PSMD8: variants seen among roughly 807,000 people sequenced by gnomAD.
PSMD8 encodes 26S proteasome non-ATPase regulatory subunit 8.
A neutral mutation model predicts 40.0 loss-of-function variants in PSMD8; 30 were observed. The ratio of observed to expected loss-of-function variants is 0.75; its 90% CI spans 0.56 to 1.02. PSMD8 has a LOEUF of 1.02. PSMD8 is among the 50% of genes least tolerant of loss of function. PSMD8 has a pLI of 0.00. For synonymous variants in PSMD8, 208 were observed against 192.5 expected (o/e 1.08, Z -0.67); for missense variants, 461 against 463.9 (o/e 0.99, Z 0.06).
intron 5 of PSMD8, 115 bp downstream of exon 5, chr19:38,381,114 T>A: frequency 1.3e-6 from 1 of 797,520 alleles, no homozygotes. Context: ...TAGGTGTGTT[T>A]CTTATCCTCC....
intron 5 of PSMD8, among the ~76,000 whole-genome samples, chr19:38,381,714 A>G (rs1297462875): frequency 3.3e-5 from 5 of 151,838 alleles, no homozygotes; most frequent in Admixed American, 3.3e-4. Context: ...CTCTATTTCT[A>G]CTTCGGTGTT....
At chr19:38,375,206 CG>C (rs1970588384) in intron 1 of PSMD8, 3 of 597,388 alleles carry the variant, frequency 5.0e-6, no homozygotes, top group Non-Finnish European at 8.3e-6. Context: ...TTTGGGAGGC[CG>C]AGGCGGGGGA....
In PSMD8 at chr19:38,376,447, G is replaced by T. The variant is rs1970599082; in HGVS notation, c.529G>T (p.Asp177Tyr). 1 of 1,549,904 alleles carries T rather than the reference G, an allele frequency of 6.5e-7. No individual in the cohort carries two copies. Among genetic ancestry groups the T allele is most frequent in the African/African-American group, 1.4e-5 (1 of 72,996 alleles). The part of the protein sequence containing the change: ...YMAQLKCYYF[D>Y]YKEQLPESAY... Reference sequence around the variant, plus strand: ...GGCCCAGCTCAAATGCTACTACTTTGATTACAAGTGAGAATGGGCCCTGCC... The same window carrying T: ...GGCCCAGCTCAAATGCTACTACTTTTATTACAAGTGAGAATGGGCCCTGCC... The change falls in exon 3 of 7, where the codon GAT (aspartate) becomes TAT (tyrosine). Residue 177 changes from aspartate to tyrosine, a missense_variant. By Grantham distance (160) the Asp-to-Tyr change is radical. Transcript: ENST00000215071.
At position 38,374,811 on chromosome 19, in the gene PSMD8, C is replaced by G. The variant is rs1178220073; in HGVS notation, c.210C>G (p.Asn70Lys). The change falls in exon 1 of 7, where the codon AAC (asparagine) becomes AAG (lysine). Residue 70 changes from asparagine (N) to lysine (K), a missense_variant. Coordinates refer to ENST00000215071, the MANE Select transcript of PSMD8 (RefSeq NM_002812.5). ...GCAAGATGGCGGCCGCGGCGGTGAA[C>G]GGGGCGGCAGGCTTCTCGAGCTCCG... is the stretch of plus-strand genomic sequence containing the variant. ...ASRKMAAAAV[N>K]GAAGFSSSGP... The G allele has an allele frequency of 1.5e-5, 24 of 1,573,064 alleles. No homozygotes were observed. The highest frequency in any genetic ancestry group is 2.1e-5 in the Non-Finnish European group (24 of 1,166,148).
At chr19:38,376,948 G>T (rs1444206406) in intron 3 of PSMD8, among the ~76,000 whole-genome samples, 1 of 152,204 alleles carries the variant, frequency 6.6e-6, no homozygotes, top group Non-Finnish European at 1.5e-5. Flanking sequence ...GCAGAGCTTG[G>T]AACTGTCTCA....
intron 1 of PSMD8, 136 bp from the exon 2 acceptor site, chr19:38,376,024 T>G: frequency 2.4e-6 from 2 of 849,734 alleles, no homozygotes; most frequent in Non-Finnish European, 1.9e-6. Flanking sequence ...GAGTGCTTTA[T>G]GAGAAAGCAT....
intron 3 of PSMD8, among the ~76,000 whole-genome samples, chr19:38,376,808 G>T (rs188995227): frequency 4.8e-4 from 73 of 152,342 alleles, no homozygotes; most frequent in Admixed American, 2.7e-3. Context: ...ACCTGCCGTG[G>T]CTCTTCATGG....
chr19:38,374,973 AG>A lies in PSMD8; in HGVS notation c.360+14del, dbSNP rs1402571980. ...TGGGTCGACTCAAGGTAAAGTCGGCAGGCCCAGGAAACCGAGTGTTGCGGGC... is the reference window on the plus strand; with the variant it reads ...TGGGTCGACTCAAGGTAAAGTCGGCAGCCCAGGAAACCGAGTGTTGCGGGC... On this transcript the variant is annotated intron_variant, in intron 1 of 6. Coordinates refer to ENST00000215071, the MANE Select transcript of PSMD8 (RefSeq NM_002812.5). 1.3e-6 allele frequency: 2 copies of A among 1,547,690 alleles called. No individual in the cohort carries two copies.
chr19:38,379,139 G>A, intron 3 of PSMD8, 101 bp from the exon 4 acceptor site: 1 of 1,230,514 alleles, frequency 8.1e-7, no homozygotes, highest in Non-Finnish European at 1.1e-6. Flanking sequence ...ACCTCTTCAG[G>A]AAGATGCATG....
At chr19:38,376,294 C>T (rs2145125844) in intron 2 of PSMD8, 58 bp from the exon 3 acceptor site, 6 of 1,536,392 alleles carry the variant, frequency 3.9e-6, no homozygotes, top group Non-Finnish European at 5.3e-6. Context: ...AATGGTAGCA[C>T]TGGTGGTTGG....
intron 1 of PSMD8, chr19:38,375,659 A>T (rs1298733646): frequency 5.2e-6 from 1 of 191,034 alleles, no homozygotes; most frequent in Admixed American, 5.4e-5. Context: ...AGTAGAGAAC[A>T]AGAATACGGG....
chr19:38,375,943 G>A (rs1600495558), intron 1 of PSMD8, among the ~76,000 whole-genome samples: 1 of 152,218 alleles, frequency 6.6e-6, no homozygotes, highest in Non-Finnish European at 1.5e-5. Flanking sequence ...TGTTTCCCCA[G>A]TGGGGCTATT....
chr19:38,383,189 C>T, intron 6 of PSMD8, 64 bp from the exon 7 acceptor site: 1 of 1,603,334 alleles, frequency 6.2e-7, no homozygotes, highest in Admixed American at 1.7e-5. Flanking sequence ...AGTGCTGGCC[C>T]CATAGGGTGG....
intron 5 of PSMD8, 89 bp from the exon 6 acceptor site, chr19:38,382,028 G>A (rs1238738982): frequency 1.7e-5 from 15 of 870,304 alleles, no homozygotes; most frequent in Non-Finnish European, 2.8e-5. Context: ...TGAACTCCAG[G>A]GTCAGAGCTG....
At chr19:38,378,701 C>A (rs569270563) in intron 3 of PSMD8, among the ~76,000 whole-genome samples, 1 of 150,930 alleles carries the variant, frequency 6.6e-6, no homozygotes, top group East Asian at 2.0e-4. Flanking sequence ...TACCTGTAAT[C>A]CAAGCACTTT....
rs747317623 is a variant in PSMD8 at position 38,382,184 on chromosome 19, CTCT to C, written c.877_879del (p.Phe293del). The C allele has an allele frequency of 1.5e-5, 24 of 1,596,670 alleles. No individual in the cohort carries two copies. The Admixed American group carries it at 2.6e-4, about 17-fold the overall frequency. On this transcript the variant is annotated inframe_deletion, in exon 6 of 7. Coordinates refer to ENST00000215071, the MANE Select transcript of PSMD8 (RefSeq NM_002812.5). ...CCTTTTCACTGAGGCCACCCGGATC[CTCT>C]TCTTCAACACACCCAAAAAGATGAC... is the stretch of plus-strand genomic sequence containing the variant.
At chr19:38,375,203 G>T in intron 1 of PSMD8, 1 of 616,150 alleles carries the variant, frequency 1.6e-6, no homozygotes. Flanking sequence ...CGCTTTGGGA[G>T]GCCGAGGCGG....
chr19:38,376,220 C>G lies in PSMD8; in HGVS notation c.421C>G (p.Leu141Val). 1 of 1,603,194 alleles carries G rather than the reference C, an allele frequency of 6.2e-7. No individual in the cohort carries two copies. The highest frequency in any genetic ancestry group is 1.1e-5 in the South Asian group (1 of 88,758). Reference sequence around the variant, plus strand: ...AGGGACCAAGCTGACCAAACAGCAGCTAATTCTGGCCCGTGAGTGTCACTG... The same window carrying G: ...AGGGACCAAGCTGACCAAACAGCAGGTAATTCTGGCCCGTGAGTGTCACTG... ...TTGTKLTKQQ[L>V]ILARDILEIG... Residue 141 changes from leucine (L) to valine (V), a missense_variant, in exon 2 of 7, where the codon CTA becomes GTA. This residue lies in a region of PSMD8 where 236 missense variants were observed against 321.2 expected (regional missense o/e 0.73). Transcript: ENST00000215071.
At chr19:38,375,620 G>A (rs1239771742) in intron 1 of PSMD8, 1 of 183,486 alleles carries the variant, frequency 5.5e-6, no homozygotes, top group African/African-American at 2.4e-5. Flanking sequence ...TGTGAAGGCA[G>A]GACTGAACCT....
Sources: allele counts gnomAD v4.1 joint callset (sites outside exome capture counted in the v4.1 genomes callset), GRCh38; gene constraint gnomAD v4.1.1; regional missense constraint gnomAD v4.1.1; transcripts MANE v1.5; gene names NCBI Gene and HGNC (gene_info 2026-07-23, HGNC 2026-07-21).